Variants in TMEM242 observed in about 807,000 individuals in gnomAD.
The protein encoded by TMEM242 is UPF0463 transmembrane protein C6orf35.
A neutral mutation model predicts 18.2 loss-of-function variants in TMEM242; 10 were observed. The ratio of observed to expected loss-of-function variants is 0.55; its 90% CI spans 0.34 to 0.93. TMEM242 has a LOEUF of 0.93. TMEM242 is among the 40% of genes least tolerant of loss of function. TMEM242 has a pLI of 0.02. For missense variants in TMEM242, 186 were observed against 175.5 expected (o/e 1.06, Z -0.34); for synonymous variants, 57 against 69.9 (o/e 0.81, Z 0.92).
intron 3 of TMEM242, among the ~76,000 whole-genome samples, chr6:157,306,597 T>G (rs1319832185): frequency 6.6e-6 from 1 of 152,140 alleles, no homozygotes; most frequent in East Asian, 1.9e-4. Context: ...ACTGGGCCCA[T>G]GAGCCTAGAG....
At chr6:157,304,273 C>T (rs1002318431) in intron 3 of TMEM242, among the ~76,000 whole-genome samples, 45 of 151,902 alleles carry the variant, frequency 3.0e-4, no homozygotes, top group Non-Finnish European at 4.4e-5. Flanking sequence ...CCACACCAGC[C>T]TGGTCAACAT....
At chr6:157,311,545 T>TGAGCACTCACCTAGCCTCAGCATAATGC (rs1562383261) in intron 3 of TMEM242, among the ~76,000 whole-genome samples, 4 of 13,204 alleles carry the variant, frequency 3.0e-4, no homozygotes, top group African/African-American at 8.3e-4. Context: ...CATCATAGTG[T>TGAGCACTCACCTAGCCTCAGCATAATGC]CCCAGTGTGC....
chr6:157,297,806 C>T (rs1028878885), intron 3 of TMEM242, among the ~76,000 whole-genome samples: 11 of 152,106 alleles, frequency 7.2e-5, no homozygotes, highest in Non-Finnish European at 1.6e-4. Flanking sequence ...TTTGAACATA[C>T]CGTATTATTA....
chr6:157,292,637 C>T lies in TMEM242; in HGVS notation c.*264G>A. 3.1e-6 allele frequency: 1 copy of T among 324,548 alleles called. No individual in the cohort carries two copies. Among genetic ancestry groups the T allele is most frequent in the Non-Finnish European group, 5.6e-6 (1 of 179,458 alleles). 20.1% of individuals were successfully genotyped at this position (324,548 alleles called of 1,614,324 possible). A position where few individuals can be genotyped will look rare whatever the true frequency, so the allele number is the denominator to read the frequency against. On this transcript the variant is annotated 3_prime_UTR_variant, in exon 4 of 4. Coordinates refer to ENST00000400788, the MANE Select transcript of TMEM242 (RefSeq NM_018452.6). ...CAACTGTTACAAACAGAATCATTTC[C>T]TATGGGGTCCCCTCCACATAAGGAA...
intron 3 of TMEM242, among the ~76,000 whole-genome samples, chr6:157,309,753 A>T (rs1390797604): frequency 6.8e-6 from 1 of 146,856 alleles, no homozygotes; most frequent in Non-Finnish European, 1.6e-5. Context: ...CTTCATTTAT[A>T]CATTAATTTA....
chr6:157,293,384 A>AAACAAACAAACC (rs1435915829), intron 3 of TMEM242, among the ~76,000 whole-genome samples: 1 of 151,422 alleles, frequency 6.6e-6, no homozygotes, highest in South Asian at 2.1e-4. Context: ...ACAAACAAAC[A>AAACAAACAAACC]AACCACTCTT....
At chr6:157,310,989 CTAACCTAGCCTCCCCAGTGTGCAG>C (rs1554248547) in intron 3 of TMEM242, among the ~76,000 whole-genome samples, 37 of 19,208 alleles carry the variant, frequency 1.9e-3, no homozygotes, top group Middle Eastern at 0.031. Flanking sequence ...CCAGTATGCG[CTAACCTAGCCTCCCCAGTGTGCAG>C]TCACCTAGCC....
chr6:157,322,079 T>G (rs1778505476), intron 2 of TMEM242, among the ~76,000 whole-genome samples: 1 of 152,216 alleles, frequency 6.6e-6, no homozygotes, highest in Non-Finnish European at 1.5e-5. Flanking sequence ...TACGTAACAC[T>G]TTTCCTCCAT....
chr6:157,299,529 TTCCAATA>T (rs1554247376), intron 3 of TMEM242: 1 of 1,468,402 alleles, frequency 6.8e-7, no homozygotes, highest in African/African-American at 1.4e-5. Flanking sequence ...TTACAGCCGC[TTCCAATA>T]ACACGGTTTT....
intron 3 of TMEM242, among the ~76,000 whole-genome samples, chr6:157,293,535 A>G (rs1221776581): frequency 6.6e-6 from 1 of 152,222 alleles, no homozygotes; most frequent in Non-Finnish European, 1.5e-5. Flanking sequence ...AAATATAATT[A>G]GGTCATTCAA....
At chr6:157,303,636 G>A (rs1017971279) in intron 3 of TMEM242, among the ~76,000 whole-genome samples, 5 of 152,114 alleles carry the variant, frequency 3.3e-5, no homozygotes, top group African/African-American at 1.2e-4. Context: ...CAGAACCCTT[G>A]GTTTAGGGGA....
At chr6:157,312,502 A>C (rs377553467) in intron 3 of TMEM242, among the ~76,000 whole-genome samples, 3 of 11,184 alleles carry the variant, frequency 2.7e-4, no homozygotes, top group Admixed American at 9.3e-4. Flanking sequence ...CCCAGTGTGC[A>C]CTCACCGAGC....
chr6:157,310,161 C>G (rs914104318), intron 3 of TMEM242, among the ~76,000 whole-genome samples: 2 of 152,298 alleles, frequency 1.3e-5, no homozygotes, highest in Middle Eastern at 3.4e-3. Context: ...AGTATCAACA[C>G]GTACTATAAA....
At chr6:157,323,377 C>A in intron 1 of TMEM242, 35 bp downstream of exon 1, 1 of 1,607,994 alleles carries the variant, frequency 6.2e-7, no homozygotes, top group South Asian at 1.1e-5. Flanking sequence ...GGTTAACTCA[C>A]CCCGACGCCC....
chr6:157,314,973 C>T (rs1778363048), intron 3 of TMEM242, among the ~76,000 whole-genome samples: 1 of 152,000 alleles, frequency 6.6e-6, no homozygotes, highest in South Asian at 2.1e-4. Flanking sequence ...ATCAGAGATT[C>T]AATTCAATTC....
At chr6:157,293,854 C>A (rs911002855) in intron 3 of TMEM242, among the ~76,000 whole-genome samples, 1 of 151,914 alleles carries the variant, frequency 6.6e-6, no homozygotes, top group Non-Finnish European at 1.5e-5. Context: ...CACCTCAGCA[C>A]CCCCAAGTAG....
At chr6:157,310,589 G>A (rs1554248335) in intron 3 of TMEM242, among the ~76,000 whole-genome samples, 4 of 151,908 alleles carry the variant, frequency 2.6e-5, no homozygotes, top group African/African-American at 9.7e-5. Flanking sequence ...CGCTCACCCG[G>A]CCTCATCATA....
In TMEM242 at chr6:157,323,485, G is replaced by T. The variant is rs782587701; in HGVS notation, c.15C>A (p.Gly5=). The change falls in exon 1 of 4, where the codon GGC becomes GGA. Residue 5 remains glycine, a synonymous_variant. Transcript: ENST00000400788. ...CAGAGGCCGGCTGCCCAGTTGCAGC[G>T]CCCGCTGTCTCCATGTTTAGGTCGC... The part of the protein sequence containing the change: META[G]AATGQPASGL... The T allele has an allele frequency of 3.2e-5, 51 of 1,613,748 alleles. No individual in the cohort carries two copies. The highest frequency in any genetic ancestry group is 1.9e-4 in the South Asian group (17 of 91,080).
Position 157,323,426 on chromosome 6 carries a change from A to G in TMEM242, c.74T>C (p.Leu25Pro). 1 of 1,614,074 alleles carries G rather than the reference A, an allele frequency of 6.2e-7. No individual in the cohort carries two copies. The highest frequency in any genetic ancestry group is 8.5e-7 in the Non-Finnish European group (1 of 1,179,952). Residue 25 changes from leucine to proline, a missense_variant, in exon 1 of 4, where the codon CTT (leucine) becomes CCT (proline). Leu to Pro is a moderately conservative substitution (Grantham distance 98). Transcript: ENST00000400788. ...GCACATCTTACCTTTAACCAGGAAA[A>G]GCCGGTCATTCGTGGACCCCGGAGC... Reference protein sequence around the residue: ...LEAPGSTNDRLFLVKGGIFLG... With the variant: ...LEAPGSTNDRPFLVKGGIFLG...
Sources: allele counts gnomAD v4.1 joint callset (sites outside exome capture counted in the v4.1 genomes callset), GRCh38; gene constraint gnomAD v4.1.1; transcripts MANE v1.5; gene names NCBI Gene and HGNC (gene_info 2026-07-23, HGNC 2026-07-21).